The following AKAP6 variants were observed in gnomAD, a reference collection of about 807,000 sequenced individuals.
AKAP6 encodes A-kinase anchoring protein 6, also known as A-kinase anchor protein 6.
Under a neutral mutation model 188.5 loss-of-function variants are expected in AKAP6, and 58 were observed. The ratio of observed to expected loss-of-function variants is 0.31; its 90% CI spans 0.25 to 0.38. The LOEUF (loss-of-function observed/expected upper bound fraction) is 0.38. AKAP6 is among the 10% of genes least tolerant of loss of function. The pLI, the probability that AKAP6 is intolerant of heterozygous loss-of-function variation, is 1.00. For missense variants in AKAP6, 2,710 were observed against 2,740.0 expected, an observed-to-expected ratio of 0.99 and a Z score of 0.24; for synonymous variants, 989 against 998.6, an observed-to-expected ratio of 0.99 and a Z score of 0.18.
intron 2 of AKAP6, among the ~76,000 whole-genome samples, chr14:32,517,647 AG>A (rs1259801467): frequency 6.6e-6 from 1 of 152,182 alleles, no homozygotes; most frequent in Non-Finnish European, 1.5e-5. Context: ...AGGCTGGGGG[AG>A]GGGCGTCCAC....
chr14:32,712,914 G>A (rs1377467195), intron 9 of AKAP6, among the ~76,000 whole-genome samples: 4 of 152,070 alleles, frequency 2.6e-5, no homozygotes, highest in African/African-American at 9.7e-5. Flanking sequence ...CTAGAATGGT[G>A]AAGCCTTTTC....
intron 12 of AKAP6, among the ~76,000 whole-genome samples, chr14:32,789,654 G>A (rs987093795): frequency 4.6e-5 from 7 of 152,096 alleles, no homozygotes; most frequent in African/African-American, 1.2e-4. Flanking sequence ...TGGCCTGACC[G>A]TTAAAAGAAA....
intron 2 of AKAP6, among the ~76,000 whole-genome samples, chr14:32,440,415 C>T (rs1421589668): frequency 3.3e-5 from 5 of 151,378 alleles, no homozygotes; most frequent in African/African-American, 7.3e-5. Context: ...ACCAACATGG[C>T]GAACATATAC....
chr14:32,677,588 C>T (rs999696471), intron 7 of AKAP6, among the ~76,000 whole-genome samples: 1 of 152,138 alleles, frequency 6.6e-6, no homozygotes, highest in African/African-American at 2.4e-5. Flanking sequence ...CTGAAAGCCA[C>T]AGGAATCACA....
At chr14:32,411,125 T>C (rs543828651) in intron 1 of AKAP6, among the ~76,000 whole-genome samples, 1 of 152,258 alleles carries the variant, frequency 6.6e-6, no homozygotes, top group African/African-American at 2.4e-5. Context: ...CTGTTTGTCA[T>C]GACTGGAGAG....
intron 5 of AKAP6, among the ~76,000 whole-genome samples, chr14:32,589,490 C>T (rs1365540108): frequency 1.3e-5 from 2 of 152,142 alleles, no homozygotes; most frequent in African/African-American, 2.4e-5. Context: ...TCAGTTTGGA[C>T]ATATGAAAGT....
intron 7 of AKAP6, among the ~76,000 whole-genome samples, chr14:32,627,778 G>A (rs560092726): frequency 5.9e-5 from 9 of 152,164 alleles, no homozygotes; most frequent in African/African-American, 2.2e-4. Flanking sequence ...CACATGCAAA[G>A]CCCAGTTAGA....
In AKAP6 at chr14:32,433,636, C is replaced by G. The variant is rs750895444; in HGVS notation, c.143C>G (p.Ser48Cys). ...GAAGAGGCAATGAAGGACATGGACTCTGACCAGCAGTATGAAAAGCCACCC... is the reference window on the plus strand; with the variant it reads ...GAAGAGGCAATGAAGGACATGGACTGTGACCAGCAGTATGAAAAGCCACCC... ...EGEEAMKDMD[S>C]DQQYEKPPPL... The change falls in exon 2 of 14, where the codon TCT (serine) becomes TGT (cysteine). Residue 48 changes from serine (S) to cysteine (C), a missense_variant. Physicochemically the swap from Ser to Cys is moderately radical, Grantham distance 112 (BLOSUM62 -1). This residue lies in a region of AKAP6 where 237 missense variants were observed against 313.9 expected (regional missense o/e 0.76). Transcript: ENST00000280979. 4 of 1,614,166 alleles carry G rather than the reference C, an allele frequency of 2.5e-6. No homozygotes were observed. Among genetic ancestry groups the G allele is most frequent in the Non-Finnish European group, 2.5e-6 (3 of 1,180,034 alleles).
At chr14:32,535,169 T>A (rs1472215074) in intron 2 of AKAP6, among the ~76,000 whole-genome samples, 1 of 152,138 alleles carries the variant, frequency 6.6e-6, no homozygotes, top group Admixed American at 6.5e-5. Flanking sequence ...ACCTGAAATA[T>A]TGTGTGCCCA....
intron 12 of AKAP6, among the ~76,000 whole-genome samples, chr14:32,810,254 GT>G (rs11298100): frequency 0.54 from 80,494 of 147,750 alleles, 21,599 homozygotes; most frequent in Non-Finnish European, 0.56. Context: ...CCTAATGCTC[GT>G]TTTTTTTTTT....
At chr14:32,800,191 T>C (rs879500859) in intron 12 of AKAP6, among the ~76,000 whole-genome samples, 5 of 145,814 alleles carry the variant, frequency 3.4e-5, no homozygotes, top group Admixed American at 6.9e-5. Flanking sequence ...TATATACACA[T>C]ATATATACAT....
chr14:32,501,303 G>C (rs938821668), intron 2 of AKAP6, among the ~76,000 whole-genome samples: 1 of 151,918 alleles, frequency 6.6e-6, no homozygotes, highest in South Asian at 2.1e-4. Context: ...TCTCAATTTG[G>C]ACTAGCAAAA....
chr14:32,345,348 G>T (rs1025684266), intron 1 of AKAP6, among the ~76,000 whole-genome samples: 1 of 152,168 alleles, frequency 6.6e-6, no homozygotes, highest in Non-Finnish European at 1.5e-5. Context: ...GAACAAAATT[G>T]CCTGAAGGCT....
intron 2 of AKAP6, among the ~76,000 whole-genome samples, chr14:32,448,619 A>G (rs1417038624): frequency 6.6e-6 from 1 of 152,220 alleles, no homozygotes; most frequent in Non-Finnish European, 1.5e-5. Context: ...TAACCTTTTT[A>G]GATTGGTAAT....
At chr14:32,680,835 C>A (rs1252858143) in intron 8 of AKAP6, among the ~76,000 whole-genome samples, 1 of 152,130 alleles carries the variant, frequency 6.6e-6, no homozygotes, top group Non-Finnish European at 1.5e-5. Flanking sequence ...ATATAGTATA[C>A]AACTATGAAT....
chr14:32,610,213 A>G (rs1354967045), intron 7 of AKAP6, among the ~76,000 whole-genome samples: 5 of 152,182 alleles, frequency 3.3e-5, no homozygotes, highest in Non-Finnish European at 7.3e-5. Context: ...AATCATTGAG[A>G]GAGTCTTCTT....
chr14:32,803,979 T>C (rs762578561), intron 12 of AKAP6, among the ~76,000 whole-genome samples: 2 of 152,234 alleles, frequency 1.3e-5, no homozygotes, highest in Non-Finnish European at 2.9e-5. Context: ...ATGGGTCTGA[T>C]TGGTTTTACT....
At chr14:32,650,737 T>A (rs183691735) in intron 7 of AKAP6, among the ~76,000 whole-genome samples, 45 of 151,792 alleles carry the variant, frequency 3.0e-4, no homozygotes, top group Admixed American at 1.1e-3. Context: ...CCCCAAGAGG[T>A]GGAATAATAA....
rs555511305 is a variant in AKAP6, at chr14:32,781,618, G to A, written c.3588+7725G>A. ...AAAAGGCAATACAAGAAAACTGCTG[G>A]ATGATATCCCTTATGAATGTCAATA... On this transcript the variant is annotated intron_variant, in intron 12 of 13. Transcript: ENST00000280979. 6.1e-4 allele frequency among the ~76,000 whole-genome samples: 93 copies of A among 152,204 alleles called. 2 individuals are homozygous for A. The highest frequency in any genetic ancestry group is 2.1e-3 in the African/African-American group (89 of 41,538).
Sources: allele counts gnomAD v4.1 joint callset (sites outside exome capture counted in the v4.1 genomes callset), GRCh38; gene constraint gnomAD v4.1.1; regional missense constraint gnomAD v4.1.1; transcripts MANE v1.5; gene names NCBI Gene and HGNC (gene_info 2026-07-23, HGNC 2026-07-21).